Variants in ARMC9 observed in about 807,000 individuals in gnomAD.
ARMC9 encodes lisH domain-containing protein ARMC9.
A neutral mutation model predicts 107.0 loss-of-function variants in ARMC9; 94 were observed. That is an observed-to-expected ratio of 0.88 (90% CI 0.74 to 1.04). ARMC9 has a LOEUF of 1.04. ARMC9 is among the 50% of genes least tolerant of loss of function. The pLI is 0.00. For missense variants in ARMC9, 942 were observed against 1,030.1 expected, an observed-to-expected ratio of 0.91 and a Z score of 1.17; for synonymous variants, 380 against 396.9, an observed-to-expected ratio of 0.96 and a Z score of 0.51.
intron 11 of ARMC9, among the ~76,000 whole-genome samples, chr2:231,260,555 TACGTCTTGAGGACTCGG>T (rs1221115875): frequency 1.2e-4 from 19 of 152,198 alleles, no homozygotes; most frequent in Non-Finnish European, 2.6e-4. Flanking sequence ...CTTCCTGAAG[TACGTCTTGAGGACTCGG>T]ACGACGTATC....
chr2:231,304,373 T>C (rs1236107031), intron 19 of ARMC9, among the ~76,000 whole-genome samples: 3 of 152,234 alleles, frequency 2.0e-5, no homozygotes, highest in Non-Finnish European at 2.9e-5. Flanking sequence ...AAATATTGGC[T>C]TACCAAGTTT....
chr2:231,326,932 A>G (rs566017198), intron 19 of ARMC9, among the ~76,000 whole-genome samples: 6 of 152,168 alleles, frequency 3.9e-5, no homozygotes, highest in Non-Finnish European at 7.4e-5. Context: ...AGGACTGGCT[A>G]GATGATCTTA....
chr2:231,265,996 T>TAAA (rs541194304), intron 12 of ARMC9, among the ~76,000 whole-genome samples: 3 of 125,368 alleles, frequency 2.4e-5, no homozygotes, highest in Admixed American at 1.6e-4. Context: ...AGACGCCATC[T>TAAA]AAAAAAAAAA....
chr2:231,250,549 C>T (rs1175887232), intron 9 of ARMC9, among the ~76,000 whole-genome samples: 3 of 152,118 alleles, frequency 2.0e-5, no homozygotes, highest in Non-Finnish European at 4.4e-5. Context: ...AAATCAGTGC[C>T]GGCCCATGCT....
intron 19 of ARMC9, among the ~76,000 whole-genome samples, chr2:231,326,986 A>AC (rs1045815160): frequency 6.6e-6 from 1 of 152,010 alleles, no homozygotes; most frequent in African/African-American, 2.4e-5. Context: ...CTCCCCCTGC[A>AC]CCCTTAGACC....
chr2:231,200,652 G>A (rs1225555554), intron 1 of ARMC9, among the ~76,000 whole-genome samples: 5 of 150,920 alleles, frequency 3.3e-5, no homozygotes, highest in Admixed American at 1.3e-4. Context: ...CAGCCTGGGC[G>A]GCAAAAGTGA....
At chr2:231,243,407 T>A (rs1208980784) in intron 9 of ARMC9, among the ~76,000 whole-genome samples, 1 of 152,094 alleles carries the variant, frequency 6.6e-6, no homozygotes, top group Non-Finnish European at 1.5e-5. Flanking sequence ...AGTGAGAGCC[T>A]GTCTCAAAAG....
Position 231,301,372 on chromosome 2 carries a change from G to C in ARMC9, c.1773+5119G>C, listed in dbSNP as rs149286225. On this transcript the variant is annotated intron_variant, in intron 19 of 24. Coordinates refer to ENST00000611582, the MANE Select transcript of ARMC9 (RefSeq NM_001352754.2). ...TGGGCTCTTGCTGCTGGATGAAAAA[G>C]TATTTTTTTAATAATAGATTTTTCC... Among the ~76,000 whole-genome samples, 138 of 152,182 alleles carry C rather than the reference G, an allele frequency of 9.1e-4. 1 individual carries two copies. The highest frequency in any genetic ancestry group is 3.0e-3 in the African/African-American group (124 of 41,534).
At chr2:231,350,438 T>G (rs1033911639) in intron 21 of ARMC9, among the ~76,000 whole-genome samples, 2 of 151,736 alleles carry the variant, frequency 1.3e-5, no homozygotes, top group African/African-American at 4.8e-5. Context: ...GTCCTTTAGG[T>G]CTTGTTTGAT....
At chr2:231,198,867 C>T (rs1201812997) in intron 1 of ARMC9, 169 bp downstream of exon 1, 4 of 152,536 alleles carry the variant, frequency 2.6e-5, no homozygotes, top group Non-Finnish European at 5.9e-5. Flanking sequence ...CGCCTGCGGT[C>T]CAGGGATCTT....
At chr2:231,306,045 C>T (rs868113620) in intron 19 of ARMC9, among the ~76,000 whole-genome samples, 2 of 152,166 alleles carry the variant, frequency 1.3e-5, no homozygotes, top group Non-Finnish European at 2.9e-5. Flanking sequence ...TATTCTGTTA[C>T]ATAAGTTACA....
intron 12 of ARMC9, among the ~76,000 whole-genome samples, chr2:231,269,533 G>A (rs2039136090): frequency 6.7e-6 from 1 of 150,302 alleles, no homozygotes; most frequent in South Asian, 2.1e-4. Flanking sequence ...TTACAGGTGT[G>A]TGCCACCACG....
intron 14 of ARMC9, among the ~76,000 whole-genome samples, chr2:231,273,387 A>G (rs1207556855): frequency 6.6e-6 from 1 of 152,150 alleles, no homozygotes; most frequent in Non-Finnish European, 1.5e-5. Flanking sequence ...ATCAGACCTG[A>G]TAGAGCCTCA....
At chr2:231,199,937 A>G (rs887910090) in intron 1 of ARMC9, among the ~76,000 whole-genome samples, 1 of 152,164 alleles carries the variant, frequency 6.6e-6, no homozygotes, top group Non-Finnish European at 1.5e-5. Context: ...ACCTCAGGTG[A>G]TCCGCCTGCC....
intron 19 of ARMC9, among the ~76,000 whole-genome samples, chr2:231,314,795 G>A (rs2042569097): frequency 1.3e-5 from 2 of 152,218 alleles, no homozygotes; most frequent in South Asian, 4.1e-4. Flanking sequence ...TAACTCCTAT[G>A]TTTAGGTATA....
At position 231,322,366 on chromosome 2, in the gene ARMC9, A is replaced by G. The variant is rs143114175; in HGVS notation, c.1774-9427A>G. 6.8e-4 allele frequency among the ~76,000 whole-genome samples: 103 copies of G among 152,354 alleles called. No individual in the cohort carries two copies. The East Asian group carries it at 0.019, about 28-fold the overall frequency. On this transcript the variant is annotated intron_variant, in intron 19 of 24. Transcript: ENST00000611582. ...ATTTTCACAAAGAGTGAGATTTACA[A>G]TTCAGCGTTCTGAGAAGGTGTCTCA...
At position 231,373,911 on chromosome 2, in the gene ARMC9, A is replaced by G. The variant is rs1186140460; in HGVS notation, c.*2376A>G. ...AGACTCCGTCAAAAAAAAAAAAAAA[A>G]TACATTGAGATTACCAGGTGGGGTA... On this transcript the variant is annotated 3_prime_UTR_variant, in exon 25 of 25. Coordinates refer to ENST00000611582, the MANE Select transcript of ARMC9 (RefSeq NM_001352754.2). The surrounding 1 kb of genome is among the most constrained non-coding windows in gnomAD (Gnocchi z 4.4). The G allele has an allele frequency of 1.4e-5, 2 of 146,822 alleles. No individual in the cohort carries two copies. Among genetic ancestry groups the G allele is most frequent in the African/African-American group, 5.1e-5 (2 of 39,480 alleles). 9.1% of individuals were successfully genotyped at this position (146,822 alleles called of 1,614,324 possible).
rs751466175 is a variant in ARMC9 at position 231,278,345 on chromosome 2, A to T, written c.1475-37A>T. On this transcript the variant is annotated intron_variant, in intron 15 of 24. Transcript: ENST00000611582. ...GACCTAAAATTGTGCTTCTGGGTTT[A>T]GACATGTCATGTTTAGCTTTGATTT... is the stretch of plus-strand genomic sequence containing the variant. The T allele has an allele frequency of 5.0e-6, 8 of 1,603,214 alleles. No individual in the cohort carries two copies. In the African/African-American group the frequency reaches 1.1e-4, roughly 21 times the overall value.
chr2:231,318,523 G>A (rs1391673019), intron 19 of ARMC9, among the ~76,000 whole-genome samples: 2 of 152,130 alleles, frequency 1.3e-5, no homozygotes, highest in African/African-American at 4.8e-5. Context: ...GCTTCCAGCT[G>A]TCCCCCTTCA....
Sources: gnomAD v4.1 joint callset for allele counts (sites outside exome capture counted in the v4.1 genomes callset) on GRCh38, gnomAD v4.1.1 for gene constraint, Gnocchi (gnomAD v3.1) non-coding constraint, MANE v1.5 for transcripts, NCBI Gene and HGNC (gene_info 2026-07-23, HGNC 2026-07-21) for gene names.